RIPK1: variants seen among roughly 807,000 people sequenced by gnomAD.
The protein encoded by RIPK1 is receptor interacting serine/threonine kinase 1, also known as receptor-interacting serine/threonine-protein kinase 1.
In RIPK1, 27 loss-of-function variants were observed where a neutral mutation model predicts 62.4. That is an observed-to-expected ratio of 0.43 (90% CI 0.32 to 0.60). The LOEUF (loss-of-function observed/expected upper bound fraction) is 0.60, where lower values mean the gene tolerates loss of function less well. RIPK1 is among the 20% of genes least tolerant of loss of function. RIPK1 has a pLI of 0.07. For synonymous variants in RIPK1, 287 were observed against 303.2 expected (o/e 0.95, Z 0.55); for missense variants, 735 against 831.0 (o/e 0.88, Z 1.42).
At chr6:3,082,458 C>T (rs763906527) in intron 4 of RIPK1, among the ~76,000 whole-genome samples, 2 of 152,212 alleles carry the variant, frequency 1.3e-5, no homozygotes, top group Non-Finnish European at 2.9e-5. Context: ...GCCCTGCCAG[C>T]ACTGTTCTTG....
chr6:3,073,689 C>G (rs887924809), intron 1 of RIPK1, among the ~76,000 whole-genome samples: 3 of 152,220 alleles, frequency 2.0e-5, no homozygotes, highest in African/African-American at 7.2e-5. Context: ...CTAGACAGAG[C>G]TGGCCCCAGC....
Position 3,076,997 on chromosome 6 carries a change from G to A in RIPK1, c.164+10G>A. Reference sequence around the variant, plus strand: ...GGCCCAACTGCATTGAGTGAGTAGGGAGCAGGGGTGGGTGGGCTAAGTTCT... The same window carrying A: ...GGCCCAACTGCATTGAGTGAGTAGGAAGCAGGGGTGGGTGGGCTAAGTTCT... On this transcript the variant is annotated intron_variant, in intron 2 of 10. Transcript: ENST00000259808. The A allele has an allele frequency of 2.7e-6, 4 of 1,488,968 alleles. No homozygotes were observed. The highest frequency in any genetic ancestry group is 2.8e-6 in the Non-Finnish European group (3 of 1,086,658). 92.2% of individuals were successfully genotyped at this position (1,488,968 alleles called of 1,614,324 possible).
At chr6:3,108,095 A>G (rs554429919) in intron 9 of RIPK1, among the ~76,000 whole-genome samples, 2 of 152,068 alleles carry the variant, frequency 1.3e-5, no homozygotes, top group South Asian at 2.1e-4. Flanking sequence ...AAGGGTGTGT[A>G]TGCAGTAAGT....
At chr6:3,097,711 G>C (rs1473705322) in intron 7 of RIPK1, among the ~76,000 whole-genome samples, 1 of 152,134 alleles carries the variant, frequency 6.6e-6, no homozygotes, top group African/African-American at 2.4e-5. Flanking sequence ...AGCATTAGCT[G>C]TAGTGGTAAG....
chr6:3,069,609 A>G (rs967076654), intron 1 of RIPK1, among the ~76,000 whole-genome samples: 2 of 152,220 alleles, frequency 1.3e-5, no homozygotes, highest in African/African-American at 2.4e-5. Context: ...CACTTGAAGA[A>G]GCCAAGGCAG....
intron 1 of RIPK1, among the ~76,000 whole-genome samples, chr6:3,070,166 A>G (rs1459270151): frequency 1.3e-5 from 2 of 152,188 alleles, no homozygotes; most frequent in Non-Finnish European, 2.9e-5. Flanking sequence ...CTCTGTCTGA[A>G]CTATACTGAG....
intron 4 of RIPK1, among the ~76,000 whole-genome samples, chr6:3,081,658 C>T (rs1356916423): frequency 6.6e-6 from 1 of 151,890 alleles, no homozygotes; most frequent in Non-Finnish European, 1.5e-5. Flanking sequence ...GTCGGGAGTT[C>T]GAGACCAGCC....
intron 1 of RIPK1, 38 bp from the exon 2 acceptor site, chr6:3,076,726 A>ATATATATATATATATATAGT: frequency 1.6e-6 from 1 of 644,062 alleles, no homozygotes; most frequent in Non-Finnish European, 2.4e-6. Flanking sequence ...ATATATATAT[A>ATATATATATATATATATAGT]GTCTTGCCCT....
At chr6:3,065,221 C>T (rs1758324848), upstream of RIPK1, among the ~76,000 whole-genome samples, 1 of 143,414 alleles carries the variant, frequency 7.0e-6, no homozygotes, top group South Asian at 2.2e-4. Context: ...CGCGCCACTG[C>T]ACTCCAGCAC....
chr6:3,101,068 C>T (rs540254038), intron 7 of RIPK1, among the ~76,000 whole-genome samples: 1 of 152,208 alleles, frequency 6.6e-6, no homozygotes, highest in South Asian at 2.1e-4. Context: ...GGGTGGATTT[C>T]TTGAGGCCAG....
rs767983633 is a variant in RIPK1 at position 3,105,777 on chromosome 6, A to G, written c.1302A>G (p.Gly434=). The change falls in exon 9 of 11, where the codon GGA becomes GGG. Residue 434 remains glycine, a synonymous_variant. Coordinates refer to ENST00000259808, the MANE Select transcript of RIPK1 (RefSeq NM_001354930.2). The surrounding 1 kb of genome is among the most constrained non-coding windows in gnomAD (Gnocchi z 4.5). ...RPYENFQNTE[G]KGTAYSSAAS... is the part of the protein sequence containing the mutation. Reference sequence around the variant, plus strand: ...ACGAGAATTTTCAGAATACAGAGGGAAAAGGCACTGCTTATTCCAGTGCAG... The same window carrying G: ...ACGAGAATTTTCAGAATACAGAGGGGAAAGGCACTGCTTATTCCAGTGCAG... The G allele has an allele frequency of 4.1e-5, 66 of 1,614,088 alleles. 1 individual carries two copies. The South Asian group carries it at 5.8e-4, about 14-fold the overall frequency.
chr6:3,098,815 A>G (rs1222467565), intron 7 of RIPK1, among the ~76,000 whole-genome samples: 1 of 152,258 alleles, frequency 6.6e-6, no homozygotes, highest in Non-Finnish European at 1.5e-5. Context: ...AGGAATGAGC[A>G]GAGGAAGAAG....
At chr6:3,104,895 C>T (rs772635681) in intron 8 of RIPK1, among the ~76,000 whole-genome samples, 3 of 152,034 alleles carry the variant, frequency 2.0e-5, no homozygotes, top group African/African-American at 7.2e-5. Flanking sequence ...TCTGTCACCC[C>T]GGCTGGAGTG....
At chr6:3,077,064 C>T (rs541326100) in intron 2 of RIPK1, 77 bp downstream of exon 2, 2 of 1,403,338 alleles carry the variant, frequency 1.4e-6, no homozygotes, top group Non-Finnish European at 1.9e-6. Context: ...CCGTTGGCTG[C>T]TGCGGAGCCG....
Position 3,106,046 on chromosome 6 carries a change from C to T in RIPK1, c.1571C>T (p.Pro524Leu), listed in dbSNP as rs748885856. 18 of 1,598,596 alleles carry T rather than the reference C, an allele frequency of 1.1e-5. No individual in the cohort carries two copies. The highest frequency in any genetic ancestry group is 3.4e-5 in the Admixed American group (2 of 58,810). The change falls in exon 9 of 11, where the codon CCA becomes CTA. Residue 524 changes from proline (P) to leucine (L), a missense_variant. Pro to Leu is a moderately conservative substitution (Grantham distance 98, BLOSUM62 -3). Coordinates refer to ENST00000259808, the MANE Select transcript of RIPK1 (RefSeq NM_001354930.2). ...TPTMPFSSLP[P>L]TDESIKYTIY... ...ACCATGCCATTCAGCTCCTTGCCAC[C>T]AACAGGTAAATGGGTCTTCGATAGT...
chr6:3,094,061 G>A (rs1183977073), intron 7 of RIPK1, among the ~76,000 whole-genome samples: 1 of 139,700 alleles, frequency 7.2e-6, no homozygotes, highest in Non-Finnish European at 1.5e-5. Flanking sequence ...CCTACCTGCC[G>A]CACCTAGTAA....
At chr6:3,102,261 T>G (rs921931102) in intron 7 of RIPK1, among the ~76,000 whole-genome samples, 1 of 152,212 alleles carries the variant, frequency 6.6e-6, no homozygotes, top group African/African-American at 2.4e-5. Flanking sequence ...ATACCACACC[T>G]GACACCTCTG....
intron 4 of RIPK1, among the ~76,000 whole-genome samples, chr6:3,082,797 G>T (rs1759464190): frequency 6.6e-6 from 1 of 152,226 alleles, no homozygotes; most frequent in South Asian, 2.1e-4. Context: ...GGTTGTTACT[G>T]TTCTTGTCAG....
At chr6:3,067,346 G>A (rs11759914), upstream of RIPK1, among the ~76,000 whole-genome samples, 1 of 151,998 alleles carries the variant, frequency 6.6e-6, no homozygotes, top group Non-Finnish European at 1.5e-5. Context: ...TCTAACATTA[G>A]GCATTCCCAC....
Sources: allele counts gnomAD v4.1 joint callset (sites outside exome capture counted in the v4.1 genomes callset), GRCh38; gene constraint gnomAD v4.1.1; non-coding constraint Gnocchi (gnomAD v3.1); transcripts MANE v1.5; gene names NCBI Gene and HGNC (gene_info 2026-07-23, HGNC 2026-07-21).